The following CLDN10 variants were observed in gnomAD, a reference collection of about 807,000 sequenced individuals.
CLDN10 encodes claudin 10.
Under a neutral mutation model 22.9 loss-of-function variants are expected in CLDN10, and 15 were observed. That is an observed-to-expected ratio of 0.65 (90% CI 0.44 to 1.01). The LOEUF (loss-of-function observed/expected upper bound fraction) is 1.01, where lower values mean the gene tolerates loss of function less well. Among genes scored for constraint, CLDN10 ranks in the 50% least tolerant of loss-of-function variants. The pLI is 0.00. For missense variants in CLDN10, 247 were observed against 287.8 expected (o/e 0.86, Z 1.03); for synonymous variants, 114 against 111.4 (o/e 1.02, Z -0.15).
At chr13:95,444,580 T>G (rs1367772748) in intron 1 of CLDN10, among the ~76,000 whole-genome samples, 1 of 152,168 alleles carries the variant, frequency 6.6e-6, no homozygotes, top group Non-Finnish European at 1.5e-5. Flanking sequence ...GACACTGACT[T>G]CTCAAAGAGC....
intron 1 of CLDN10, among the ~76,000 whole-genome samples, chr13:95,539,284 G>A (rs933326508): frequency 1.1e-4 from 17 of 152,220 alleles, no homozygotes; most frequent in Non-Finnish European, 1.6e-4. Context: ...AGGAACCAAA[G>A]TCACTGGACT....
chr13:95,446,193 G>A (rs2042377305), intron 1 of CLDN10, among the ~76,000 whole-genome samples: 1 of 152,184 alleles, frequency 6.6e-6, no homozygotes, highest in African/African-American at 2.4e-5. Context: ...AGTTCCCAGA[G>A]GAGGTCGAGG....
rs145145075 is a variant in CLDN10 at position 95,438,154 on chromosome 13, A to G, written c.214+4107A>G. ...CTTCAGCCTTGACTTCCTGGGCCCA[A>G]GTGATCCTCCCATCTCAGCCTCCTG... On this transcript the variant is annotated intron_variant, in intron 1 of 4. Coordinates refer to the CLDN10 transcript ENST00000376873. 2.2e-3 allele frequency among the ~76,000 whole-genome samples: 331 copies of G among 152,338 alleles called. 2 individuals carry two copies. Among genetic ancestry groups the G allele is most frequent in the African/African-American group, 7.7e-3 (321 of 41,580 alleles).
intron 1 of CLDN10, among the ~76,000 whole-genome samples, chr13:95,472,337 T>C (rs940902731): frequency 6.6e-6 from 1 of 151,850 alleles, no homozygotes; most frequent in African/African-American, 2.4e-5. Flanking sequence ...AGACAAAAAA[T>C]AAAAGGCTAA....
At chr13:95,575,234 T>C (rs370763067) in intron 3 of CLDN10, among the ~76,000 whole-genome samples, 50 of 152,362 alleles carry the variant, frequency 3.3e-4, no homozygotes, top group East Asian at 1.9e-3. Context: ...GAAAGCGTTA[T>C]ACAATTATAG....
intron 1 of CLDN10, among the ~76,000 whole-genome samples, chr13:95,538,065 A>T (rs1222095907): frequency 6.6e-6 from 1 of 151,340 alleles, no homozygotes; most frequent in Non-Finnish European, 1.5e-5. Flanking sequence ...AATTTTTGGT[A>T]GAGAACCAAC....
At position 95,521,843 on chromosome 13, in the gene CLDN10, G is replaced by A. The variant is rs192093607; in HGVS notation, c.215-38289G>A. 2.0e-5 allele frequency among the ~76,000 whole-genome samples: 3 copies of A among 152,018 alleles called. No homozygotes were observed. In the East Asian group the frequency reaches 5.8e-4, roughly 29 times the overall value. On this transcript the variant is annotated intron_variant, in intron 1 of 4. Transcript: ENST00000376873. Reference sequence around the variant, plus strand: ...AAATTGCCTCTCTCAGTTATGAATTGTTATAGGACTATTTCATTTTTCTAT... The same window carrying A: ...AAATTGCCTCTCTCAGTTATGAATTATTATAGGACTATTTCATTTTTCTAT...
intron 1 of CLDN10, among the ~76,000 whole-genome samples, chr13:95,546,180 T>C (rs949987112): frequency 7.2e-5 from 11 of 152,208 alleles, no homozygotes; most frequent in African/African-American, 2.7e-4. Context: ...TTCAGAACTG[T>C]CTTAATGCAT....
At chr13:95,460,661 C>T (rs530831425) in intron 1 of CLDN10, among the ~76,000 whole-genome samples, 40 of 152,272 alleles carry the variant, frequency 2.6e-4, no homozygotes, top group Admixed American at 2.3e-3. Flanking sequence ...ATGGGGATTA[C>T]AATTCAAGAT....
intron 1 of CLDN10, among the ~76,000 whole-genome samples, chr13:95,554,308 C>T (rs1206950166): frequency 2.0e-5 from 3 of 152,290 alleles, no homozygotes; most frequent in East Asian, 3.9e-4. Flanking sequence ...TGTTACTGTC[C>T]TCTGAACACT....
intron 1 of CLDN10, among the ~76,000 whole-genome samples, chr13:95,463,330 C>CT (rs869042850): frequency 0.061 from 2,268 of 37,084 alleles, 234 homozygotes; most frequent in Middle Eastern, 0.088. Context: ...ATATATTTGC[C>CT]TTTTTTTTTT....
chr13:95,503,396 C>T (rs1027784502), intron 1 of CLDN10, among the ~76,000 whole-genome samples: 4 of 151,872 alleles, frequency 2.6e-5, no homozygotes, highest in African/African-American at 9.7e-5. Context: ...TTATATAAAA[C>T]CAAAGGGAAG....
chr13:95,519,445 A>T (rs1268550661), intron 1 of CLDN10, among the ~76,000 whole-genome samples: 3 of 152,212 alleles, frequency 2.0e-5, no homozygotes, highest in African/African-American at 7.2e-5. Flanking sequence ...AATTGGAAAG[A>T]ATTGGTATGG....
In CLDN10 at chr13:95,463,741, A is replaced by T. The variant is rs569318113; in HGVS notation, c.214+29694A>T. On this transcript the variant is annotated intron_variant, in intron 1 of 4. Coordinates refer to the CLDN10 transcript ENST00000376873. ...AAGGAAGTTCACTCTCTGCCTCCAC[A>T]TGGACAACATCATCTCTTGGCAGTG... Among the ~76,000 whole-genome samples the T allele has an allele frequency of 2.0e-5, 3 of 152,166 alleles. No homozygotes were observed. The East Asian group carries it at 5.8e-4, about 30-fold the overall frequency.
chr13:95,549,121 T>C (rs978412629), upstream of CLDN10, among the ~76,000 whole-genome samples: 2 of 152,268 alleles, frequency 1.3e-5, no homozygotes, highest in African/African-American at 4.8e-5. Flanking sequence ...GGGCATTGTA[T>C]GTCTTCGGGT....
At chr13:95,490,850 C>T (rs543419888) in intron 1 of CLDN10, among the ~76,000 whole-genome samples, 2 of 152,132 alleles carry the variant, frequency 1.3e-5, no homozygotes, top group Non-Finnish European at 2.9e-5. Flanking sequence ...GTGCTGTTAG[C>T]AGAGTATTGA....
intron 1 of CLDN10, among the ~76,000 whole-genome samples, chr13:95,523,440 A>G (rs971703017): frequency 1.3e-5 from 2 of 152,092 alleles, no homozygotes; most frequent in African/African-American, 4.8e-5. Flanking sequence ...TTACTCACAC[A>G]TTTGCTATTT....
chr13:95,474,692 G>C (rs2042667970), intron 1 of CLDN10, among the ~76,000 whole-genome samples: 1 of 152,246 alleles, frequency 6.6e-6, no homozygotes, highest in African/African-American at 2.4e-5. Context: ...AGTGAAACTG[G>C]GGAGGAAACC....
chr13:95,455,238 C>A (rs1229332500), intron 1 of CLDN10, among the ~76,000 whole-genome samples: 2 of 152,064 alleles, frequency 1.3e-5, no homozygotes, highest in East Asian at 3.8e-4. Flanking sequence ...CTTCCTGCAG[C>A]CTATTGGCCA....
Sources: gnomAD v4.1 joint callset for allele counts (sites outside exome capture counted in the v4.1 genomes callset) on GRCh38, gnomAD v4.1.1 for gene constraint, MANE v1.5 for transcripts, NCBI Gene and HGNC (gene_info 2026-07-23, HGNC 2026-07-21) for gene names.